Variants in FBXL7 observed in about 807,000 individuals in gnomAD.
FBXL7 encodes F-box and leucine rich repeat protein 7.
A neutral mutation model predicts 38.3 loss-of-function variants in FBXL7; 12 were observed. That is an observed-to-expected ratio of 0.31 (90% confidence interval 0.20 to 0.51). FBXL7 has a LOEUF of 0.51. Among genes scored for constraint, FBXL7 ranks in the 20% least tolerant of loss-of-function variants. The probability of loss-of-function intolerance (pLI) is 0.98; values close to 1 mark genes in which losing one functional copy is unlikely to be tolerated. For missense variants in FBXL7, 567 were observed against 676.4 expected (o/e 0.84, Z 1.79); for synonymous variants, 297 against 300.9 (o/e 0.99, Z 0.13).
At chr5:15,509,606 CCAA>C (rs929110996) in intron 1 of FBXL7, among the ~76,000 whole-genome samples, 8 of 152,144 alleles carry the variant, frequency 5.3e-5, no homozygotes, top group Non-Finnish European at 8.8e-5. Context: ...AACCCCAAAA[CCAA>C]CAACAACAAC....
At chr5:15,632,967 A>G (rs1460217648) in intron 2 of FBXL7, among the ~76,000 whole-genome samples, 1 of 152,216 alleles carries the variant, frequency 6.6e-6, no homozygotes. Flanking sequence ...CCCAAGTAAC[A>G]AACCTACACA....
At chr5:15,782,810 C>T (rs1032926307) in intron 2 of FBXL7, among the ~76,000 whole-genome samples, 4 of 151,736 alleles carry the variant, frequency 2.6e-5, no homozygotes, top group African/African-American at 7.3e-5. Context: ...TTTTAATAGC[C>T]GAGGTTGGGA....
At chr5:15,747,392 G>C (rs1412535602) in intron 2 of FBXL7, among the ~76,000 whole-genome samples, 1 of 152,122 alleles carries the variant, frequency 6.6e-6, no homozygotes, top group South Asian at 2.1e-4. Context: ...TCCCAAAAGA[G>C]CAACAGGATT....
At chr5:15,881,951 G>A (rs554917048) in intron 2 of FBXL7, among the ~76,000 whole-genome samples, 1 of 152,266 alleles carries the variant, frequency 6.6e-6, no homozygotes, top group Admixed American at 6.5e-5. Context: ...CTTCTGGGGA[G>A]GCCTCAGGAA....
intron 2 of FBXL7, among the ~76,000 whole-genome samples, chr5:15,667,595 C>A (rs368838920): frequency 2.6e-5 from 4 of 152,172 alleles, no homozygotes; most frequent in African/African-American, 9.7e-5. Context: ...AGTTCATTTT[C>A]TTTTGGCATT....
At chr5:15,840,327 AG>A (rs1289038230) in intron 2 of FBXL7, among the ~76,000 whole-genome samples, 4 of 152,204 alleles carry the variant, frequency 2.6e-5, no homozygotes, top group Non-Finnish European at 5.9e-5. Flanking sequence ...CTCAGTAGTA[AG>A]TTATGACACC....
intron 2 of FBXL7, among the ~76,000 whole-genome samples, chr5:15,770,327 G>T (rs1224690398): frequency 1.3e-5 from 2 of 152,136 alleles, no homozygotes; most frequent in South Asian, 4.1e-4. Context: ...GGCCATGTCA[G>T]CCAGTTCTTG....
intron 1 of FBXL7, among the ~76,000 whole-genome samples, chr5:15,514,636 C>T (rs1034803259): frequency 3.3e-5 from 5 of 152,106 alleles, no homozygotes; most frequent in African/African-American, 1.2e-4. Context: ...TTCTCTCTTC[C>T]CCATCATACT....
chr5:15,544,300 T>G (rs1737839767), intron 1 of FBXL7, among the ~76,000 whole-genome samples: 1 of 152,204 alleles, frequency 6.6e-6, no homozygotes, highest in Non-Finnish European at 1.5e-5. Flanking sequence ...CCTGCATCAG[T>G]TAGATTGCCC....
chr5:15,684,983 C>G (rs2126614754), intron 2 of FBXL7, among the ~76,000 whole-genome samples: 1 of 152,190 alleles, frequency 6.6e-6, no homozygotes, highest in East Asian at 1.9e-4. Flanking sequence ...TGAAATTCTT[C>G]ACATATTCCA....
chr5:15,737,810 C>A (rs2126671190), intron 2 of FBXL7, among the ~76,000 whole-genome samples: 1 of 152,248 alleles, frequency 6.6e-6, no homozygotes, highest in African/African-American at 2.4e-5. Flanking sequence ...CCTAACATTG[C>A]AAAGATTGAC....
intron 2 of FBXL7, among the ~76,000 whole-genome samples, chr5:15,796,250 C>G (rs1278553001): frequency 6.6e-6 from 1 of 152,120 alleles, no homozygotes; most frequent in East Asian, 1.9e-4. Context: ...TGGACTCAGC[C>G]CAAAGGGCAG....
intron 1 of FBXL7, among the ~76,000 whole-genome samples, chr5:15,511,864 G>A (rs1736806089): frequency 6.6e-6 from 1 of 152,038 alleles, no homozygotes; most frequent in Non-Finnish European, 1.5e-5. Flanking sequence ...CAAAACACAG[G>A]GCCAAAACCC....
intron 2 of FBXL7, among the ~76,000 whole-genome samples, chr5:15,676,322 T>C (rs1043819760): frequency 6.6e-6 from 1 of 152,240 alleles, no homozygotes; most frequent in Admixed American, 6.5e-5. Flanking sequence ...TCTTTTTCAC[T>C]TTTCTGCTGT....
intron 2 of FBXL7, among the ~76,000 whole-genome samples, chr5:15,777,148 A>G (rs564546116): frequency 1.3e-5 from 2 of 152,226 alleles, no homozygotes; most frequent in South Asian, 2.1e-4. Context: ...CATTTTACAT[A>G]TAAAGAAACT....
chr5:15,738,478 CTTG>C (rs1401353764), intron 2 of FBXL7, among the ~76,000 whole-genome samples: 4 of 152,146 alleles, frequency 2.6e-5, no homozygotes, highest in Non-Finnish European at 5.9e-5. Flanking sequence ...AGTTTCCCTT[CTTG>C]TTATCTACTG....
At chr5:15,619,921 G>C (rs561151235) in intron 2 of FBXL7, among the ~76,000 whole-genome samples, 1 of 152,120 alleles carries the variant, frequency 6.6e-6, no homozygotes, top group Admixed American at 6.6e-5. Flanking sequence ...TTGTCACTTC[G>C]TAGAAAACTC....
intron 1 of FBXL7, among the ~76,000 whole-genome samples, chr5:15,594,999 T>C (rs1739584629): frequency 6.6e-6 from 1 of 152,218 alleles, no homozygotes; most frequent in Admixed American, 6.5e-5. Context: ...CTGACCTTTT[T>C]GCTTTTGTTT....
intron 2 of FBXL7, among the ~76,000 whole-genome samples, chr5:15,644,539 A>G (rs1162562843): frequency 9.2e-6 from 1 of 108,254 alleles, no homozygotes; most frequent in Non-Finnish European, 1.9e-5. Context: ...GTGGGGGGAC[A>G]GAGAGAGAGA....
Sources: gnomAD v4.1 joint callset for allele counts (sites outside exome capture counted in the v4.1 genomes callset) on GRCh38, gnomAD v4.1.1 for gene constraint, MANE v1.5 for transcripts, NCBI Gene and HGNC (gene_info 2026-07-23, HGNC 2026-07-21) for gene names.